Variants in TBC1D2B observed in about 807,000 individuals in gnomAD.
TBC1D2B encodes TBC1 domain family, member 2B.
In TBC1D2B, 64 loss-of-function variants were observed where a neutral mutation model predicts 100.8. The ratio of observed to expected loss-of-function variants is 0.64; its 90% CI spans 0.52 to 0.78. The LOEUF (loss-of-function observed/expected upper bound fraction) is 0.78. Ranked by LOEUF, TBC1D2B falls within the 30% of genes least tolerant of loss-of-function variation. The pLI, the probability that TBC1D2B is intolerant of heterozygous loss-of-function variation, is 0.00. For synonymous variants in TBC1D2B, 480 were observed against 479.7 expected, an observed-to-expected ratio of 1.00 and a Z score of -0.01; for missense variants, 1,052 against 1,218.4, an observed-to-expected ratio of 0.86 and a Z score of 2.03.
chr15:78,065,980 A>C (rs1294063385), intron 1 of TBC1D2B: 1 of 470,658 alleles, frequency 2.1e-6, no homozygotes, highest in South Asian at 1.5e-5. Flanking sequence ...TATCATTGTT[A>C]CCCACTTCTC....
Position 78,048,868 on chromosome 15 carries a change from G to A in TBC1D2B, c.515-3800C>T, listed in dbSNP as rs553402259. Among the ~76,000 whole-genome samples the A allele has an allele frequency of 4.9e-4, 75 of 152,338 alleles. 1 individual carries two copies. The highest frequency in any genetic ancestry group is 1.8e-3 in the African/African-American group (73 of 41,580). ...GTGCTCCGCCAGCAACCTCTGCAGAGCACAGAACTGTGTACAGTGGGAGAA... is the reference window on the plus strand; with the variant it reads ...GTGCTCCGCCAGCAACCTCTGCAGAACACAGAACTGTGTACAGTGGGAGAA... On this transcript the variant is annotated intron_variant, in intron 2 of 12. Transcript: ENST00000300584.
chr15:78,022,442 G>C (rs1459905992), intron 6 of TBC1D2B, among the ~76,000 whole-genome samples: 1 of 152,106 alleles, frequency 6.6e-6, no homozygotes, highest in Admixed American at 6.5e-5. Context: ...TATATATTTA[G>C]GGTCATGTAT....
chr15:78,075,576 A>G (rs1450851563), intron 1 of TBC1D2B, among the ~76,000 whole-genome samples: 1 of 152,232 alleles, frequency 6.6e-6, no homozygotes, highest in Non-Finnish European at 1.5e-5. Context: ...AACATCCCAC[A>G]GGAAATTCGT....
At chr15:78,073,685 C>T (rs1483140615) in intron 1 of TBC1D2B, among the ~76,000 whole-genome samples, 1 of 152,110 alleles carries the variant, frequency 6.6e-6, no homozygotes, top group African/African-American at 2.4e-5. Context: ...TTAAAACACA[C>T]GCCTGGCTGG....
In TBC1D2B at chr15:78,040,414, T is replaced by G. The variant is rs551445205; in HGVS notation, c.683+4486A>C. Among the ~76,000 whole-genome samples the G allele has an allele frequency of 2.3e-3, 343 of 152,210 alleles. 1 individual carries two copies. The highest frequency in any genetic ancestry group is 4.1e-3 in the Non-Finnish European group (279 of 68,012). ...TGGAATCTGGGGATACTGGGCATGG[T>G]GACACGTGCCTAAATTTCCAGCTAC... On this transcript the variant is annotated intron_variant, in intron 3 of 12. Transcript: ENST00000300584.
At chr15:78,012,696 CA>C (rs1340343453) in intron 9 of TBC1D2B, 126 bp downstream of exon 9, 3 of 1,033,920 alleles carry the variant, frequency 2.9e-6, no homozygotes, top group Non-Finnish European at 2.6e-6. Flanking sequence ...TGGCTTGCTG[CA>C]ACTACTTTTT....
At chr15:78,074,821 G>C (rs963829974) in intron 1 of TBC1D2B, among the ~76,000 whole-genome samples, 1 of 152,232 alleles carries the variant, frequency 6.6e-6, no homozygotes, top group Admixed American at 6.5e-5. Context: ...GTTTGTGAGA[G>C]TAATCCACGT....
chr15:78,068,383 C>CCACACACACACACACACACACACACACA (rs35403620), intron 1 of TBC1D2B, among the ~76,000 whole-genome samples: 1 of 143,012 alleles, frequency 7.0e-6, no homozygotes, highest in African/African-American at 2.6e-5. Flanking sequence ...CACACCACAC[C>CCACACACACACACACACACACACACACA]CACACACACA....
intron 1 of TBC1D2B, among the ~76,000 whole-genome samples, chr15:78,059,900 CAG>C (rs1329429642): frequency 2.6e-5 from 4 of 152,158 alleles, no homozygotes; most frequent in Non-Finnish European, 5.9e-5. Flanking sequence ...ATTGTGAGGA[CAG>C]GGGCTGGAGT....
intron 1 of TBC1D2B, among the ~76,000 whole-genome samples, chr15:78,063,926 G>GGGTCT (rs2073602490): frequency 6.6e-6 from 1 of 152,052 alleles, no homozygotes; most frequent in South Asian, 2.1e-4. Flanking sequence ...CTGGGCCTCT[G>GGGTCT]CAACAGCTTC....
intron 6 of TBC1D2B, among the ~76,000 whole-genome samples, chr15:78,018,381 C>G (rs1046019931): frequency 6.6e-6 from 1 of 152,058 alleles, no homozygotes; most frequent in Non-Finnish European, 1.5e-5. Context: ...CTTCACTTAT[C>G]CAGTTTACGT....
At chr15:78,050,199 C>T (rs2073284349) in intron 2 of TBC1D2B, among the ~76,000 whole-genome samples, 1 of 152,088 alleles carries the variant, frequency 6.6e-6, no homozygotes, top group Non-Finnish European at 1.5e-5. Context: ...ACAGCTACTC[C>T]TCCCACGCCA....
chr15:78,076,832 C>T (rs967917722), intron 1 of TBC1D2B, among the ~76,000 whole-genome samples: 1 of 152,216 alleles, frequency 6.6e-6, no homozygotes, highest in African/African-American at 2.4e-5. Context: ...TCCCAACACC[C>T]CATGAGGTAG....
intron 6 of TBC1D2B, among the ~76,000 whole-genome samples, chr15:78,019,778 G>T (rs1567018295): frequency 6.6e-6 from 1 of 151,696 alleles, no homozygotes; most frequent in Non-Finnish European, 1.5e-5. Context: ...TATAGTCCCA[G>T]CTACCCTTTC....
chr15:77,999,282 C>T, intron 12 of TBC1D2B: 1 of 455,328 alleles, frequency 2.2e-6, no homozygotes, highest in South Asian at 1.6e-5. Context: ...CTGCCTGTCC[C>T]CATCAGAGCA....
chr15:78,043,726 T>C lies in TBC1D2B; in HGVS notation c.683+1174A>G, dbSNP rs544279554. On this transcript the variant is annotated intron_variant, in intron 3 of 12. Coordinates refer to ENST00000300584, the MANE Select transcript of TBC1D2B (RefSeq NM_144572.2). ...TATGCACGGTGCCATTTATATGAAATGTCCACAATAAACAAATTCATAAGC... is the reference window on the plus strand; with the variant it reads ...TATGCACGGTGCCATTTATATGAAACGTCCACAATAAACAAATTCATAAGC... 1.6e-4 allele frequency among the ~76,000 whole-genome samples: 25 copies of C among 152,220 alleles called. No individual in the cohort carries two copies. The East Asian group carries it at 4.6e-3, about 28-fold the overall frequency.
At chr15:78,023,569 C>T (rs1012872868) in intron 6 of TBC1D2B, among the ~76,000 whole-genome samples, 1 of 152,210 alleles carries the variant, frequency 6.6e-6, no homozygotes, top group African/African-American at 2.4e-5. Context: ...AGGCAATAGC[C>T]TCCCAGCCTA....
chr15:78,025,177 A>AG, intron 5 of TBC1D2B, 82 bp downstream of exon 5: 1 of 1,202,898 alleles, frequency 8.3e-7, no homozygotes, highest in Non-Finnish European at 1.2e-6. Context: ...AGAAAGACTC[A>AG]GGGAAACATA....
At position 78,024,428 on chromosome 15, in the gene TBC1D2B, G is replaced by C; in HGVS notation, c.1198C>G (p.Gln400Glu). ...VPKDTLELLH[Q>E]KDDQILGLTS... ...AGGCCCAGAATCTGATCATCCTTTTGGTGCAGAAGCTCGAGCGTGTCCTTT... is the reference window on the plus strand; with the variant it reads ...AGGCCCAGAATCTGATCATCCTTTTCGTGCAGAAGCTCGAGCGTGTCCTTT... The change falls in exon 6 of 13, where the codon CAA becomes GAA. Residue 400 changes from glutamine to glutamate, a missense_variant. Around this residue, in one of 4 missense-constraint regions of TBC1D2B, gnomAD observed 627 missense variants for 646.1 expected, o/e 0.97. Transcript: ENST00000300584. The C allele has an allele frequency of 6.2e-7, 1 of 1,613,996 alleles. No individual in the cohort carries two copies. The highest frequency in any genetic ancestry group is 8.5e-7 in the Non-Finnish European group (1 of 1,179,900).
Sources: gnomAD v4.1 joint callset for allele counts (sites outside exome capture counted in the v4.1 genomes callset) on GRCh38, gnomAD v4.1.1 for gene constraint, gnomAD v4.1.1 regional missense constraint, MANE v1.5 for transcripts, NCBI Gene and HGNC (gene_info 2026-07-23, HGNC 2026-07-21) for gene names.